The following EFCAB8 variants were observed in gnomAD, a reference collection of about 807,000 sequenced individuals.
EFCAB8 encodes EF-hand calcium binding domain 8.
A neutral mutation model predicts 116.3 loss-of-function variants in EFCAB8; 100 were observed. The observed-to-expected ratio is 0.86, with a 90% confidence interval of 0.73 to 1.02. EFCAB8 has a LOEUF of 1.02. Among genes scored for constraint, EFCAB8 ranks in the 50% least tolerant of loss-of-function variants. EFCAB8 has a pLI of 0.00. For missense variants in EFCAB8, 1,320 were observed against 1,416.9 expected, an observed-to-expected ratio of 0.93 and a Z score of 1.10; for synonymous variants, 558 against 567.9, an observed-to-expected ratio of 0.98 and a Z score of 0.25.
chr20:32,918,075 G>A (rs763648466), intron 18 of EFCAB8, among the ~76,000 whole-genome samples: 24 of 152,200 alleles, frequency 1.6e-4, no homozygotes, highest in Non-Finnish European at 3.4e-4. Context: ...CTTCCATTGA[G>A]ATTAAAGGTA....
chr20:32,880,223 CTGGGGT>C (rs1985254418), intron 5 of EFCAB8, among the ~76,000 whole-genome samples: 1 of 151,712 alleles, frequency 6.6e-6, no homozygotes, highest in Non-Finnish European at 1.5e-5. Flanking sequence ...CTCAGGCAGC[CTGGGGT>C]TTAATAGAGA....
In EFCAB8 at chr20:32,885,634, C is replaced by T; in HGVS notation, c.561C>T (p.Ser187=). ...CTGAGTCCTTCTCGCTGATGAGCTC[C>T]TTTAGGGTGAGTGGGGCCCCTACAC... The part of the protein sequence containing the change: ...FWSESFSLMS[S]FRLNQTQQLY... Residue 187 remains serine, a synonymous_variant, in exon 6 of 27, where the codon TCC becomes TCT. Coordinates refer to ENST00000400522, the MANE Select transcript of EFCAB8 (RefSeq NM_001143967.2). 2 of 1,551,740 alleles carry T rather than the reference C, an allele frequency of 1.3e-6. No individual in the cohort carries two copies. Among genetic ancestry groups the T allele is most frequent in the East Asian group, 2.4e-5 (1 of 40,918 alleles).
At chr20:32,916,458 T>C (rs1364010053) in intron 17 of EFCAB8, among the ~76,000 whole-genome samples, 2 of 151,962 alleles carry the variant, frequency 1.3e-5, no homozygotes, top group Middle Eastern at 6.3e-3. Context: ...GTGGTCTTGC[T>C]CTGTTGCCCA....
chr20:32,961,019 G>A (rs951353330), intron 26 of EFCAB8, 117 bp from the exon 27 acceptor site: 16 of 860,784 alleles, frequency 1.9e-5, no homozygotes, highest in Admixed American at 8.3e-5. Flanking sequence ...CTGGACACAC[G>A]CCTTCTTGGC....
intron 5 of EFCAB8, among the ~76,000 whole-genome samples, chr20:32,879,982 T>G (rs543188294): frequency 2.0e-5 from 3 of 152,214 alleles, no homozygotes; most frequent in Non-Finnish European, 4.4e-5. Flanking sequence ...GCAGGGGCTC[T>G]GACCTGCTGG....
intron 19 of EFCAB8, among the ~76,000 whole-genome samples, chr20:32,919,747 C>T (rs1299095313): frequency 2.0e-5 from 3 of 152,112 alleles, no homozygotes; most frequent in African/African-American, 4.8e-5. Context: ...TATCTGCCCG[C>T]CTCAGCCTCC....
At chr20:32,912,937 C>A in intron 17 of EFCAB8, 73 bp downstream of exon 17, 1 of 684,130 alleles carries the variant, frequency 1.5e-6, no homozygotes, top group Non-Finnish European at 2.7e-6. Context: ...TTCCTCCATT[C>A]CTGGCTTTCC....
chr20:32,885,337 C>T (rs1179123542), intron 5 of EFCAB8, among the ~76,000 whole-genome samples, 168 bp from the exon 6 acceptor site: 6 of 152,170 alleles, frequency 3.9e-5, no homozygotes, highest in Non-Finnish European at 7.4e-5. Flanking sequence ...AGTAGAAACC[C>T]GCTTGGAAGA....
intron 23 of EFCAB8, among the ~76,000 whole-genome samples, chr20:32,947,698 A>G (rs1440462091): frequency 1.3e-5 from 2 of 152,190 alleles, no homozygotes; most frequent in African/African-American, 2.4e-5. Context: ...GATGCCACAA[A>G]AAACAGTAGT....
intron 1 of EFCAB8, among the ~76,000 whole-genome samples, chr20:32,860,148 A>G (rs1851810674): frequency 6.6e-6 from 1 of 152,184 alleles, no homozygotes; most frequent in African/African-American, 2.4e-5. Context: ...TTTCTACTAA[A>G]AATACGAAAG....
At chr20:32,946,461 G>T (rs1201314162) in intron 23 of EFCAB8, among the ~76,000 whole-genome samples, 9 of 152,124 alleles carry the variant, frequency 5.9e-5, no homozygotes, top group African/African-American at 2.2e-4. Context: ...GAATGGTCCT[G>T]GTTTCTGGTC....
chr20:32,926,401 C>T (rs1208403678), intron 20 of EFCAB8, among the ~76,000 whole-genome samples: 1 of 146,708 alleles, frequency 6.8e-6, no homozygotes, highest in African/African-American at 2.5e-5. Context: ...AAACTGAGAA[C>T]GTTTGAAACT....
At chr20:32,887,110 T>C (rs188755558) in intron 6 of EFCAB8, among the ~76,000 whole-genome samples, 1 of 152,268 alleles carries the variant, frequency 6.6e-6, no homozygotes, top group Admixed American at 6.5e-5. Context: ...GTGCTCTTGG[T>C]GCTCTCTGAG....
At chr20:32,877,207 C>CTTTTTTTTTTTTTTTTTT (rs757130907) in intron 4 of EFCAB8, among the ~76,000 whole-genome samples, 2 of 115,054 alleles carry the variant, frequency 1.7e-5, no homozygotes, top group Non-Finnish European at 3.6e-5. Flanking sequence ...TTATTTCTTT[C>CTTTTTTTTTTTTTTTTTT]TTTTTTTTTT....
chr20:32,877,904 C>T (rs929624578), intron 4 of EFCAB8, among the ~76,000 whole-genome samples: 1 of 152,124 alleles, frequency 6.6e-6, no homozygotes, highest in African/African-American at 2.4e-5. Flanking sequence ...ATGCACTTAG[C>T]GCCTCAGGAC....
intron 20 of EFCAB8, among the ~76,000 whole-genome samples, chr20:32,927,854 C>T (rs1019820168): frequency 6.6e-6 from 1 of 152,038 alleles, no homozygotes; most frequent in African/African-American, 2.4e-5. Flanking sequence ...ATACACATAA[C>T]ATAAAATTTA....
chr20:32,912,773 G>T (rs1285983678), intron 16 of EFCAB8, 21 bp from the exon 17 acceptor site: 1 of 718,332 alleles, frequency 1.4e-6, no homozygotes, highest in Middle Eastern at 2.3e-4. Flanking sequence ...TTCTAGTTCT[G>T]TTTTCTTTCA....
chr20:32,859,757 G>T (rs1984007122), intron 1 of EFCAB8, among the ~76,000 whole-genome samples: 1 of 152,106 alleles, frequency 6.6e-6, no homozygotes. Flanking sequence ...ATACTTTTCA[G>T]TGTACATTTC....
intron 21 of EFCAB8, 104 bp from the exon 22 acceptor site, chr20:32,931,074 C>G (rs1480911907): frequency 9.8e-7 from 1 of 1,017,842 alleles, no homozygotes; most frequent in African/African-American, 1.6e-5. Flanking sequence ...AGAACTGCCC[C>G]CCACCCCCAC....
Sources: allele counts gnomAD v4.1 joint callset (sites outside exome capture counted in the v4.1 genomes callset), GRCh38; gene constraint gnomAD v4.1.1; transcripts MANE v1.5; gene names NCBI Gene and HGNC (gene_info 2026-07-23, HGNC 2026-07-21).